STX8: variants seen among roughly 807,000 people sequenced by gnomAD.
STX8 encodes the protein syntaxin-8.
A neutral mutation model predicts 37.5 loss-of-function variants in STX8; 23 were observed. The observed-to-expected ratio is 0.61, with a 90% confidence interval of 0.44 to 0.87. The LOEUF is 0.87. STX8 is among the 40% of genes least tolerant of loss of function. STX8 has a pLI of 0.00. For missense variants in STX8, 313 were observed against 284.7 expected (o/e 1.10, Z -0.71); for synonymous variants, 115 against 99.1 (o/e 1.16, Z -0.95).
chr17:9,280,205 G>A (rs1907833215), intron 7 of STX8, among the ~76,000 whole-genome samples: 1 of 152,182 alleles, frequency 6.6e-6, no homozygotes, highest in African/African-American at 2.4e-5. Flanking sequence ...AGGAGACACA[G>A]TGAGTAAGAT....
At chr17:9,329,981 T>C (rs1281668684) in intron 7 of STX8, among the ~76,000 whole-genome samples, 1 of 151,860 alleles carries the variant, frequency 6.6e-6, no homozygotes, top group Non-Finnish European at 1.5e-5. Context: ...CAGCTGGTCA[T>C]AGCTAAGAGG....
rs577429324 is a variant in STX8, at chr17:9,400,815, A to G, written c.542-22162T>C. ...CTGTTGTATCTTGTTGGTTACAATC[A>G]TGGATTATCTAACTTCAAGTCTTGG... On this transcript the variant is annotated intron_variant, in intron 6 of 7. Coordinates refer to ENST00000306357, the MANE Select transcript of STX8 (RefSeq NM_004853.3). Among the ~76,000 whole-genome samples the G allele has an allele frequency of 3.3e-5, 5 of 152,090 alleles. No homozygotes were observed. The East Asian group carries it at 9.6e-4, about 29-fold the overall frequency.
intron 6 of STX8, among the ~76,000 whole-genome samples, chr17:9,385,865 C>T (rs35489392): frequency 6.6e-6 from 1 of 152,182 alleles, no homozygotes; most frequent in African/African-American, 2.4e-5. Flanking sequence ...CCTCCGCTTC[C>T]GAGTTCAAGC....
intron 6 of STX8, chr17:9,467,180 C>T (rs1299197322): frequency 3.9e-5 from 6 of 152,136 alleles, no homozygotes; most frequent in Non-Finnish European, 8.8e-5. Context: ...TGTGAGCCAC[C>T]GTGCCCGGCC....
intron 7 of STX8, among the ~76,000 whole-genome samples, chr17:9,251,736 C>T (rs78477453): frequency 0.014 from 2,199 of 152,328 alleles, 33 homozygotes; most frequent in African/African-American, 0.037. Flanking sequence ...ATTTGCTTTC[C>T]GGTCCAAGTT....
chr17:9,375,915 AG>A, intron 7 of STX8, among the ~76,000 whole-genome samples: 1 of 152,328 alleles, frequency 6.6e-6, no homozygotes, highest in East Asian at 1.9e-4. Context: ...CTCGGGTGTG[AG>A]GCCAGGCTCT....
At position 9,271,643 on chromosome 17, in the gene STX8, G is replaced by A. The variant is rs185028058; in HGVS notation, c.644-20998C>T. ...CACGCACCTGTAGTCCCAGCTACTC[G>A]GGAGGCTGAGGCAGGAGAATCACTT... On this transcript the variant is annotated intron_variant, in intron 7 of 7. Transcript: ENST00000306357. Among the ~76,000 whole-genome samples, 810 of 151,852 alleles carry A rather than the reference G, an allele frequency of 5.3e-3. 6 individuals are homozygous for A. Among genetic ancestry groups the A allele is most frequent in the Non-Finnish European group, 9.1e-3 (615 of 67,928 alleles).
intron 6 of STX8, among the ~76,000 whole-genome samples, chr17:9,389,566 C>G (rs1049356774): frequency 3.9e-5 from 6 of 152,086 alleles, no homozygotes; most frequent in African/African-American, 1.4e-4. Flanking sequence ...TCAAAATACC[C>G]GACTCCAATA....
intron 4 of STX8, among the ~76,000 whole-genome samples, chr17:9,522,609 G>A (rs1349015293): frequency 6.6e-6 from 1 of 151,944 alleles, no homozygotes; most frequent in Non-Finnish European, 1.5e-5. Context: ...CTACTCAGGA[G>A]GCTGAGGCAG....
At chr17:9,526,086 G>A (rs1905557671) in intron 4 of STX8, among the ~76,000 whole-genome samples, 1 of 152,172 alleles carries the variant, frequency 6.6e-6, no homozygotes, top group African/African-American at 2.4e-5. Context: ...CCCTGCAAGT[G>A]TGAAAGACGA....
chr17:9,370,986 A>T (rs1222680110), intron 7 of STX8, among the ~76,000 whole-genome samples: 5 of 152,106 alleles, frequency 3.3e-5, no homozygotes, highest in Non-Finnish European at 5.9e-5. Flanking sequence ...TGAGGGAGGA[A>T]AAGGGAGGAA....
At position 9,330,736 on chromosome 17, in the gene STX8, C is replaced by T. The variant is rs545696769; in HGVS notation, c.643+47816G>A. On this transcript the variant is annotated intron_variant, in intron 7 of 7. Coordinates refer to ENST00000306357, the MANE Select transcript of STX8 (RefSeq NM_004853.3). ...CCAGTTTGGCAACACAACACAAAGG[C>T]GGTATGGCTTGTATACACTTTCCAG... 2.6e-5 allele frequency among the ~76,000 whole-genome samples: 4 copies of T among 152,318 alleles called. No homozygotes were observed. In the East Asian group the frequency reaches 5.8e-4, roughly 22 times the overall value.
intron 7 of STX8, among the ~76,000 whole-genome samples, chr17:9,266,152 T>C (rs1426624803): frequency 6.6e-6 from 1 of 152,068 alleles, no homozygotes; most frequent in African/African-American, 2.4e-5. Context: ...CAAAAGTTGG[T>C]TGGAATGAAG....
At chr17:9,380,248 C>G (rs1567804701) in intron 6 of STX8, among the ~76,000 whole-genome samples, 1 of 122,664 alleles carries the variant, frequency 8.2e-6, no homozygotes, top group African/African-American at 3.3e-5. Context: ...GTTTGAATTT[C>G]TGTGTGTTTT....
At chr17:9,414,824 CTT>C (rs1913125716) in intron 6 of STX8, among the ~76,000 whole-genome samples, 1 of 97,538 alleles carries the variant, frequency 1.0e-5, no homozygotes, top group Admixed American at 1.7e-4. Flanking sequence ...GAGTTTCTCT[CTT>C]GTCATCCAGG....
intron 6 of STX8, among the ~76,000 whole-genome samples, chr17:9,430,380 T>A (rs959276607): frequency 1.3e-5 from 2 of 150,630 alleles, no homozygotes; most frequent in Admixed American, 1.3e-4. Flanking sequence ...AATTCCCCAT[T>A]TCCCCCTGCC....
chr17:9,256,417 C>A (rs150400188), intron 7 of STX8, among the ~76,000 whole-genome samples: 1 of 152,096 alleles, frequency 6.6e-6, no homozygotes, highest in African/African-American at 2.4e-5. Context: ...CCTTCCTTAA[C>A]GTTTTATGAT....
chr17:9,368,922 C>CTTTTT (rs71830909), intron 7 of STX8, among the ~76,000 whole-genome samples: 71 of 145,378 alleles, frequency 4.9e-4, no homozygotes, highest in African/African-American at 1.7e-3. Context: ...ACCTTTTACC[C>CTTTTT]TTTTTTTTTT....
chr17:9,535,456 G>A (rs73252120), intron 4 of STX8, among the ~76,000 whole-genome samples: 44,840 of 96,148 alleles, frequency 0.47, 9,847 homozygotes, highest in South Asian at 0.66. Context: ...TTTTTGAGAC[G>A]GAGTCTTGCT....
Sources: allele counts gnomAD v4.1 joint callset (sites outside exome capture counted in the v4.1 genomes callset), GRCh38; gene constraint gnomAD v4.1.1; transcripts MANE v1.5; gene names NCBI Gene and HGNC (gene_info 2026-07-23, HGNC 2026-07-21).